The following THSD7B variants were observed in gnomAD, a reference collection of about 807,000 sequenced individuals.
The protein encoded by THSD7B is thrombospondin type 1 domain containing 7B, also known as thrombospondin type-1 domain-containing protein 7B.
In THSD7B, 138 loss-of-function variants were observed where a neutral mutation model predicts 213.6. The observed-to-expected ratio is 0.65, with a 90% CI of 0.56 to 0.74. THSD7B has a LOEUF of 0.74. Ranked by LOEUF, THSD7B falls within the 30% of genes least tolerant of loss-of-function variation. The pLI, the probability that THSD7B is intolerant of heterozygous loss-of-function variation, is 0.00. For synonymous variants in THSD7B, 742 were observed against 687.0 expected, an observed-to-expected ratio of 1.08 and a Z score of -1.25; for missense variants, 1,931 against 1,991.5, an observed-to-expected ratio of 0.97 and a Z score of 0.58.
intron 10 of THSD7B, among the ~76,000 whole-genome samples, chr2:137,245,261 G>A (rs1682000508): frequency 6.6e-6 from 1 of 152,136 alleles, no homozygotes; most frequent in Non-Finnish European, 1.5e-5. Context: ...TTGCTATGTA[G>A]CAGATATATT....
chr2:137,583,413 C>A (rs1405369241), intron 17 of THSD7B, among the ~76,000 whole-genome samples: 1 of 152,168 alleles, frequency 6.6e-6, no homozygotes, highest in Non-Finnish European at 1.5e-5. Context: ...AGTCCTTGCC[C>A]ATGCCTATGT....
intron 12 of THSD7B, among the ~76,000 whole-genome samples, chr2:137,298,221 AGAT>A (rs1303135448): frequency 6.6e-6 from 1 of 152,138 alleles, no homozygotes; most frequent in African/African-American, 2.4e-5. Flanking sequence ...TTTAGCAAAG[AGAT>A]TGGTGGCATT....
At position 137,082,411 on chromosome 2, in the gene THSD7B, G is replaced by A. The variant is rs77515672; in HGVS notation, c.951-12462G>A. ...TTCTTTTGTAGTAGTGCTGAGAGGG[G>A]AATATCAAACTCAGGCTACTGCTGT... is the stretch of plus-strand genomic sequence containing the variant. On this transcript the variant is annotated intron_variant, in intron 3 of 27. Coordinates refer to ENST00000409968, the MANE Select transcript of THSD7B (RefSeq NM_001316349.2). 3.2e-3 allele frequency among the ~76,000 whole-genome samples: 486 copies of A among 152,136 alleles called. 1 individual carries two copies. The highest frequency in any genetic ancestry group is 5.7e-3 in the Non-Finnish European group (387 of 67,952).
chr2:136,979,189 G>A (rs1427748496), intron 2 of THSD7B, among the ~76,000 whole-genome samples: 1 of 151,816 alleles, frequency 6.6e-6, no homozygotes, highest in Non-Finnish European at 1.5e-5. Context: ...TCCCTTTGTA[G>A]GTGACCTGAC....
rs368690691 is a variant in THSD7B at position 137,142,370 on chromosome 2, G to A, written c.1370-17843G>A. 1.4e-3 allele frequency among the ~76,000 whole-genome samples: 206 copies of A among 152,206 alleles called. 7 individuals are homozygous for A. The South Asian group carries it at 0.042, about 31-fold the overall frequency. On this transcript the variant is annotated intron_variant, in intron 5 of 27. Coordinates refer to ENST00000409968, the MANE Select transcript of THSD7B (RefSeq NM_001316349.2). ...ACATTAGTTCATTCATGAGGGAGGA[G>A]CCCTCCTGACCAAAACACCTCTTAG... is the stretch of plus-strand genomic sequence containing the variant.
intron 10 of THSD7B, among the ~76,000 whole-genome samples, chr2:137,263,754 G>A (rs1682508576): frequency 6.6e-6 from 1 of 152,068 alleles, no homozygotes; most frequent in African/African-American, 2.4e-5. Context: ...AATTTTAGGG[G>A]AAGATGCTGC....
intron 12 of THSD7B, among the ~76,000 whole-genome samples, chr2:137,315,875 A>G (rs1016633167): frequency 4.6e-5 from 7 of 152,234 alleles, no homozygotes; most frequent in African/African-American, 1.7e-4. Context: ...TTCACACATT[A>G]GTAATTCCAC....
intron 2 of THSD7B, among the ~76,000 whole-genome samples, chr2:136,954,385 G>T (rs967800390): frequency 9.9e-5 from 15 of 152,094 alleles, no homozygotes; most frequent in Non-Finnish European, 2.1e-4. Context: ...TTTCCTCCTC[G>T]TTGGATGTAT....
intron 15 of THSD7B, among the ~76,000 whole-genome samples, chr2:137,555,270 T>C (rs1429835142): frequency 6.6e-6 from 1 of 152,070 alleles, no homozygotes; most frequent in Non-Finnish European, 1.5e-5. Context: ...GACCCCCGAG[T>C]AGCCTATCTG....
intron 12 of THSD7B, among the ~76,000 whole-genome samples, chr2:137,354,431 C>T (rs1031178305): frequency 6.6e-6 from 1 of 152,034 alleles, no homozygotes; most frequent in Non-Finnish European, 1.5e-5. Flanking sequence ...AATTTATAAT[C>T]GTATTCATAG....
intron 15 of THSD7B, among the ~76,000 whole-genome samples, chr2:137,511,563 T>C (rs189470083): frequency 6.6e-6 from 1 of 152,312 alleles, no homozygotes; most frequent in Non-Finnish European, 1.5e-5. Flanking sequence ...CATTTAGTGT[T>C]TGATAGCCTG....
intron 6 of THSD7B, among the ~76,000 whole-genome samples, chr2:137,167,117 A>G (rs4954475): frequency 1 from 151,705 of 152,250 alleles, 75,586 homozygotes; most frequent in Middle Eastern, 1. Flanking sequence ...AGAGCAAATG[A>G]AGTACTTAAG....
chr2:136,843,150 G>C (rs990936144), intron 1 of THSD7B, among the ~76,000 whole-genome samples: 1 of 131,284 alleles, frequency 7.6e-6, no homozygotes, highest in Admixed American at 8.5e-5. Flanking sequence ...TTTTTCTTTC[G>C]TGAAACTTAA....
chr2:137,372,925 C>A (rs1685563688), intron 12 of THSD7B, among the ~76,000 whole-genome samples: 1 of 144,654 alleles, frequency 6.9e-6, no homozygotes, highest in African/African-American at 2.6e-5. Flanking sequence ...TCAATTCCCA[C>A]CTATGAGTGT....
intron 3 of THSD7B, among the ~76,000 whole-genome samples, chr2:137,061,219 T>C (rs1344472054): frequency 6.6e-6 from 1 of 151,820 alleles, no homozygotes; most frequent in South Asian, 2.1e-4. Context: ...TTATAGTCAC[T>C]TATTATCCAG....
Position 136,880,572 on chromosome 2 carries a change from G to T in THSD7B, c.-35-1572G>T, listed in dbSNP as rs115795153. ...TAAAGTAAAGCATGTTCTCAAATGT[G>T]CCCCTCTTCCTGTTTCCTGTTTTTG... On this transcript the variant is annotated intron_variant, in intron 1 of 27. Transcript: ENST00000409968. Among the ~76,000 whole-genome samples, 910 of 152,122 alleles carry T rather than the reference G, an allele frequency of 6.0e-3. 7 individuals are homozygous for T. Among genetic ancestry groups the T allele is most frequent in the African/African-American group, 0.02 (848 of 41,508 alleles).
At chr2:137,069,934 T>A (rs1386871182) in intron 3 of THSD7B, among the ~76,000 whole-genome samples, 1 of 151,268 alleles carries the variant, frequency 6.6e-6, no homozygotes, top group African/African-American at 2.4e-5. Context: ...TATATGTAGT[T>A]GTTTTGTTGT....
intron 1 of THSD7B, among the ~76,000 whole-genome samples, chr2:136,810,694 A>T (rs1489019995): frequency 6.6e-6 from 1 of 152,190 alleles, no homozygotes; most frequent in East Asian, 1.9e-4. Flanking sequence ...TTACATCCTT[A>T]GTCGTTATAT....
intron 7 of THSD7B, among the ~76,000 whole-genome samples, chr2:137,203,086 G>A (rs1680912287): frequency 6.6e-6 from 1 of 152,020 alleles, no homozygotes; most frequent in Non-Finnish European, 1.5e-5. Context: ...TGTTCTCGGT[G>A]TGATTGTTGA....
Sources: allele counts gnomAD v4.1 joint callset (sites outside exome capture counted in the v4.1 genomes callset), GRCh38; gene constraint gnomAD v4.1.1; transcripts MANE v1.5; gene names NCBI Gene and HGNC (gene_info 2026-07-23, HGNC 2026-07-21).